BNIP2: variants seen among roughly 807,000 people sequenced by gnomAD.
BNIP2 encodes BCL2 interacting protein 2, also known as BCL2/adenovirus E1B 19 kDa protein-interacting protein 2.
A neutral mutation model predicts 43.4 loss-of-function variants in BNIP2; 36 were observed. That is an observed-to-expected ratio of 0.83 (90% CI 0.64 to 1.10). The LOEUF is 1.10. BNIP2 is among the 50% of genes least tolerant of loss of function. The probability of loss-of-function intolerance (pLI) is 0.00; values close to 1 mark genes in which losing one functional copy is unlikely to be tolerated. For missense variants in BNIP2, 417 were observed against 374.1 expected (o/e 1.11, Z -0.95); for synonymous variants, 146 against 121.0 (o/e 1.21, Z -1.35).
At chr15:59,678,745 T>G in intron 4 of BNIP2, 1 of 1,291,380 alleles carries the variant, frequency 7.7e-7, no homozygotes, top group African/African-American at 1.5e-5. Flanking sequence ...TTATAGTCCT[T>G]ACCAAAAGAT....
chr15:59,678,012 TTTTCCTCTGCTGCTGTG>T lies in BNIP2; in HGVS notation c.354_370del (p.Tyr118Ter). On this transcript the variant is annotated stop_gained and frameshift_variant, in exon 5 of 10. Coordinates refer to ENST00000607373, the MANE Select transcript of BNIP2 (RefSeq NM_004330.4). LOFTEE classifies it high-confidence loss of function. ...CATACGCCAGCGTCGTCCATCTTCT[TTTTCCTCTGCTGCTGTG>T]TATTCAGTAATTGAGCCTTTCCTAA... 6.2e-7 allele frequency: 1 copy of T among 1,614,000 alleles called. No homozygotes were observed. The highest frequency in any genetic ancestry group is 8.5e-7 in the Non-Finnish European group (1 of 1,179,884).
At chr15:59,682,372 G>T in intron 2 of BNIP2, 36 bp downstream of exon 2, 1 of 1,532,524 alleles carries the variant, frequency 6.5e-7, no homozygotes, top group Non-Finnish European at 8.9e-7. Flanking sequence ...TTGAACTTTT[G>T]CTCTAAAATT....
intron 6 of BNIP2, chr15:59,672,327 G>A (rs185418300): frequency 1.4e-5 from 3 of 208,218 alleles, no homozygotes; most frequent in Non-Finnish European, 1.9e-5. Context: ...AGGGTAGAGT[G>A]CAGTGGCAAA....
At chr15:59,678,771 C>T in intron 4 of BNIP2, 1 of 1,300,914 alleles carries the variant, frequency 7.7e-7, no homozygotes, top group Non-Finnish European at 1.0e-6. Flanking sequence ...GAGGGGGAAA[C>T]CTACTGCATG....
At chr15:59,676,751 G>T in intron 5 of BNIP2, 2 of 1,408,200 alleles carry the variant, frequency 1.4e-6, no homozygotes, top group Non-Finnish European at 1.9e-6. Context: ...GCAGAGTTGG[G>T]GTGTCATGGA....
rs538723953 is a variant in BNIP2 at position 59,660,309 on chromosome 15, A to G, written c.*3760T>C. 2 of 152,296 alleles carry G rather than the reference A, an allele frequency of 1.3e-5. No homozygotes were observed. The highest frequency in any genetic ancestry group is 4.8e-5 in the African/African-American group (2 of 41,556). The allele number at this position is 152,296 out of a possible 1,614,324, so 9.4% of individuals were successfully genotyped here. Reference sequence around the variant, plus strand: ...CTCAAATGTCCATATAGGATTGGAGAAAAAACAGGCATGAAAACAAAATAG... The same window carrying G: ...CTCAAATGTCCATATAGGATTGGAGGAAAAACAGGCATGAAAACAAAATAG... On this transcript the variant is annotated 3_prime_UTR_variant, in exon 10 of 10. Transcript: ENST00000607373.
intron 1 of BNIP2, chr15:59,688,700 C>T (rs1272532945): frequency 6.5e-7 from 1 of 1,534,960 alleles, no homozygotes; most frequent in South Asian, 1.2e-5. Context: ...TATGCTGCTT[C>T]CGTGTCTATT....
Position 59,668,891 on chromosome 15 carries a change from C to A in BNIP2, c.893+1G>T, listed in dbSNP as rs777269178. The A allele has an allele frequency of 6.2e-7, 1 of 1,607,266 alleles. No homozygotes were observed. The highest frequency in any genetic ancestry group is 1.1e-5 in the South Asian group (1 of 90,214). ...AATTAAGGAAATAAAACAAAACATA[C>A]TGTTTTATGCATTCTGGTATGCCAA... is the stretch of plus-strand genomic sequence containing the variant. On this transcript the variant is annotated splice_donor_variant, in intron 9 of 9. Coordinates refer to ENST00000607373, the MANE Select transcript of BNIP2 (RefSeq NM_004330.4). LOFTEE classifies it high-confidence loss of function.
intron 7 of BNIP2, 71 bp downstream of exon 7, chr15:59,671,112 A>T: frequency 7.2e-7 from 1 of 1,396,642 alleles, no homozygotes; most frequent in Non-Finnish European, 9.5e-7. Context: ...TAGCAACGAA[A>T]AACAAAGTTT....
chr15:59,664,917 G>A (rs1892476916), intron 9 of BNIP2, among the ~76,000 whole-genome samples: 1 of 152,160 alleles, frequency 6.6e-6, no homozygotes, highest in Admixed American at 6.5e-5. Flanking sequence ...AAAACTTATT[G>A]GTACACAGTT....
chr15:59,679,634 A>T lies in BNIP2; in HGVS notation c.253T>A (p.Leu85Ile). Residue 85 changes from leucine to isoleucine, a missense_variant, in exon 4 of 10, where the codon TTA (leucine) becomes ATA (isoleucine). By Grantham distance (5) the Leu-to-Ile change is conservative (BLOSUM62 2). Coordinates refer to ENST00000607373, the MANE Select transcript of BNIP2 (RefSeq NM_004330.4). ...TTACTATTCTCTGACGGTGTGTCTAAGCCATCTAAGTCAATCTCCCCACTT... is the reference window on the plus strand; with the variant it reads ...TTACTATTCTCTGACGGTGTGTCTATGCCATCTAAGTCAATCTCCCCACTT... Reference protein sequence around the residue: ...DESGEIDLDGLDTPSENSNEF... With the variant: ...DESGEIDLDGIDTPSENSNEF... 1 of 1,613,362 alleles carries T rather than the reference A, an allele frequency of 6.2e-7. No individual in the cohort carries two copies. The highest frequency in any genetic ancestry group is 8.5e-7 in the Non-Finnish European group (1 of 1,179,602).
chr15:59,667,795 T>C (rs551937196), intron 9 of BNIP2, among the ~76,000 whole-genome samples: 2 of 152,330 alleles, frequency 1.3e-5, no homozygotes, highest in South Asian at 4.1e-4. Flanking sequence ...TTAAAATTAT[T>C]TGGTGTTCCA....
At chr15:59,686,714 T>A (rs1472629142) in intron 1 of BNIP2, among the ~76,000 whole-genome samples, 3 of 152,134 alleles carry the variant, frequency 2.0e-5, no homozygotes, top group Non-Finnish European at 2.9e-5. Context: ...AATGAACTGC[T>A]CTATCAGAAA....
Position 59,664,095 on chromosome 15 carries a change from GT to G in BNIP2, c.918del (p.Lys306AsnfsTer14). ...IKQVDQELNG[K>X]QDEPKNEQ ...TACTGTTCATTTTTCGGTTCATCTT[GT>G]TTTCCATTAAGTTCTTGATCAACTC... is the stretch of plus-strand genomic sequence containing the variant. On this transcript the variant is annotated frameshift_variant, in exon 10 of 10. Transcript: ENST00000607373. LOFTEE classifies it high-confidence loss of function. 6.5e-7 allele frequency: 1 copy of G among 1,548,736 alleles called. No homozygotes were observed. The highest frequency in any genetic ancestry group is 8.7e-7 in the Non-Finnish European group (1 of 1,144,798).
intron 1 of BNIP2, among the ~76,000 whole-genome samples, chr15:59,688,159 G>C (rs898870945): frequency 6.6e-6 from 1 of 152,198 alleles, no homozygotes; most frequent in East Asian, 1.9e-4. Context: ...ATAGAGTTTA[G>C]AGAAAATGTA....
At chr15:59,670,820 TC>T (rs1268423423) in intron 7 of BNIP2, among the ~76,000 whole-genome samples, 2 of 152,194 alleles carry the variant, frequency 1.3e-5, no homozygotes, top group African/African-American at 2.4e-5. Flanking sequence ...ACGCCTGTAA[TC>T]CCAGCACTTC....
At position 59,669,351 on chromosome 15, in the gene BNIP2, T is replaced by C; in HGVS notation, c.719A>G (p.Asn240Ser). The stretch of plus-strand genomic sequence containing the variant: ...ATGTACAATGATTAGGGATTTTAGA[T>C]TTTTCCGTAACCTGGAGTTTAAAAA... ...YQQIDRRLRK[N>S]LKSLIIVHPS... The change falls in exon 8 of 10, where the codon AAT becomes AGT. Residue 240 changes from asparagine (N) to serine (S), a missense_variant. Transcript: ENST00000607373. 6.6e-7 allele frequency: 1 copy of C among 1,525,518 alleles called. No homozygotes were observed. Among genetic ancestry groups the C allele is most frequent in the Non-Finnish European group, 8.8e-7 (1 of 1,141,774 alleles). The allele number at this position is 1,525,518 out of a possible 1,614,324, so 94.5% of individuals were successfully genotyped here. A position where few individuals can be genotyped will look rare whatever the true frequency, so the allele number is the denominator to read the frequency against.
chr15:59,681,684 T>A (rs1298731084), intron 2 of BNIP2, among the ~76,000 whole-genome samples: 2 of 152,018 alleles, frequency 1.3e-5, no homozygotes, highest in African/African-American at 2.4e-5. Flanking sequence ...TGGCCTCAAG[T>A]GATCTGCCTA....
rs908950029 is a variant in BNIP2, at chr15:59,672,679, C to A, written c.533G>T (p.Ser178Ile). Reference sequence around the variant, plus strand: ...CAGGTATCTATAGTTAGGCTGACTACTTTCAGGCATGAAACAGACAGCAAA... The same window carrying A: ...CAGGTATCTATAGTTAGGCTGACTAATTTCAGGCATGAAACAGACAGCAAA... ...VVFAVCFMPE[S>I]SQPNYRYLMD... Residue 178 changes from serine (S) to isoleucine (I), a missense_variant, in exon 6 of 10, where the codon AGT becomes ATT. Physicochemically the swap from Ser to Ile is moderately radical, Grantham distance 142. Transcript: ENST00000607373. 6.2e-7 allele frequency: 1 copy of A among 1,613,810 alleles called. No homozygotes were observed. The highest frequency in any genetic ancestry group is 8.5e-7 in the Non-Finnish European group (1 of 1,179,814).
Sources: gnomAD v4.1 joint callset for allele counts (sites outside exome capture counted in the v4.1 genomes callset) on GRCh38, gnomAD v4.1.1 for gene constraint, MANE v1.5 for transcripts, NCBI Gene and HGNC (gene_info 2026-07-23, HGNC 2026-07-21) for gene names.